The following MSRB3 variants were observed in gnomAD, a reference collection of about 807,000 sequenced individuals.
MSRB3 encodes methionine sulfoxide reductase B3.
A neutral mutation model predicts 21.0 loss-of-function variants in MSRB3; 13 were observed. The observed-to-expected ratio is 0.62, with a 90% confidence interval of 0.40 to 0.98. The LOEUF (loss-of-function observed/expected upper bound fraction) is 0.98, where lower values mean the gene tolerates loss of function less well. MSRB3 is among the 50% of genes least tolerant of loss of function. The pLI is 0.00. For synonymous variants in MSRB3, 87 were observed against 88.6 expected (o/e 0.98, Z 0.10); for missense variants, 199 against 230.3 (o/e 0.86, Z 0.88).
At chr12:65,402,239 C>T (rs985700524) in intron 5 of MSRB3, among the ~76,000 whole-genome samples, 9 of 152,276 alleles carry the variant, frequency 5.9e-5, no homozygotes, top group South Asian at 2.1e-4. Flanking sequence ...CCATCACTTT[C>T]GGGTACACCA....
chr12:65,346,499 G>A (rs926354070), intron 4 of MSRB3, among the ~76,000 whole-genome samples: 8 of 152,112 alleles, frequency 5.3e-5, no homozygotes, highest in African/African-American at 1.7e-4. Context: ...TTTGTCAGAT[G>A]AGTAGATTGC....
In MSRB3 at chr12:65,434,680, A is replaced by G. The variant is rs546597036; in HGVS notation, c.293-19048A>G. 3.3e-5 allele frequency among the ~76,000 whole-genome samples: 5 copies of G among 152,016 alleles called. No individual in the cohort carries two copies. In the East Asian group the frequency reaches 7.7e-4, roughly 24 times the overall value. On this transcript the variant is annotated intron_variant, in intron 5 of 6. Transcript: ENST00000308259. ...GGATGCAACAATGAAGATTTCCTCA[A>G]AATACTCTATTTTCCTTCCATTAAT...
intron 2 of MSRB3, among the ~76,000 whole-genome samples, chr12:65,315,275 A>T (rs749514949): frequency 6.6e-6 from 1 of 152,160 alleles, no homozygotes; most frequent in Non-Finnish European, 1.5e-5. Context: ...GAAAATTTTA[A>T]ATCCTTATTT....
chr12:65,429,778 T>C (rs1201727671), intron 5 of MSRB3, among the ~76,000 whole-genome samples: 1 of 152,166 alleles, frequency 6.6e-6, no homozygotes. Context: ...TCATAATGAA[T>C]TCAGGATGAT....
At chr12:65,449,174 A>G (rs1592647778) in intron 5 of MSRB3, among the ~76,000 whole-genome samples, 2 of 149,534 alleles carry the variant, frequency 1.3e-5, no homozygotes, top group Non-Finnish European at 3.0e-5. Flanking sequence ...GACTACAGGC[A>G]GCCCCCACCA....
Position 65,290,117 on chromosome 12 carries a change from TTATC to T in MSRB3, c.-52+11256_-52+11259del, listed in dbSNP as rs1244126807. 2.1e-5 allele frequency among the ~76,000 whole-genome samples: 3 copies of T among 143,790 alleles called. No individual in the cohort carries two copies. The East Asian group carries it at 6.1e-4, about 29-fold the overall frequency. The allele number at this position is 143,790 out of a possible 152,430, so 94.3% of individuals were successfully genotyped here. A position where few individuals can be genotyped will look rare whatever the true frequency, so the allele number is the denominator to read the frequency against. Reference sequence around the variant, plus strand: ...TTTCTCCTATTACTTTCAAGCTTCATTATCTATATATTTAATAATAATAGTGATG... The same window carrying T: ...TTTCTCCTATTACTTTCAAGCTTCATTATATATTTAATAATAATAGTGATG... On this transcript the variant is annotated intron_variant, in intron 1 of 6. Coordinates refer to ENST00000308259, the MANE Select transcript of MSRB3 (RefSeq NM_001031679.3).
At chr12:65,462,534 C>G (rs1031042143) in intron 6 of MSRB3, among the ~76,000 whole-genome samples, 1 of 152,174 alleles carries the variant, frequency 6.6e-6, no homozygotes, top group Non-Finnish European at 1.5e-5. Flanking sequence ...CAGCATGACA[C>G]TACTTGTTGG....
At chr12:65,307,158 T>TG in intron 1 of MSRB3, 1 of 445,998 alleles carries the variant, frequency 2.2e-6, no homozygotes. Context: ...TCCAAAGGAA[T>TG]GCTCTCTTTT....
intron 5 of MSRB3, among the ~76,000 whole-genome samples, chr12:65,443,719 AGCATGTTAACT>A (rs1882489479): frequency 6.6e-6 from 1 of 152,210 alleles, no homozygotes; most frequent in Admixed American, 6.5e-5. Flanking sequence ...TAAGAAAATT[AGCATGTTAACT>A]GTTTTTCAGT....
chr12:65,420,629 G>C (rs1881242378), intron 5 of MSRB3, among the ~76,000 whole-genome samples: 1 of 151,874 alleles, frequency 6.6e-6, no homozygotes. Flanking sequence ...CCCTCCTCCT[G>C]CCCTGCTCCC....
intron 2 of MSRB3, among the ~76,000 whole-genome samples, chr12:65,319,780 A>G (rs573125482): frequency 7.2e-4 from 109 of 152,326 alleles, no homozygotes; most frequent in African/African-American, 2.6e-3. Flanking sequence ...AAATGAATGA[A>G]GATGTTTGAG....
intron 5 of MSRB3, among the ~76,000 whole-genome samples, chr12:65,403,487 G>A (rs569813631): frequency 1.3e-4 from 20 of 152,264 alleles, no homozygotes; most frequent in African/African-American, 3.4e-4. Context: ...GTTCAACTTC[G>A]GACTGCTGTG....
intron 5 of MSRB3, among the ~76,000 whole-genome samples, chr12:65,427,245 A>C (rs1881645759): frequency 6.6e-6 from 1 of 152,128 alleles, no homozygotes; most frequent in Non-Finnish European, 1.5e-5. Flanking sequence ...TGGGGGATGT[A>C]GCAATTCTAG....
At chr12:65,317,501 A>G (rs1874375882) in intron 2 of MSRB3, among the ~76,000 whole-genome samples, 1 of 152,202 alleles carries the variant, frequency 6.6e-6, no homozygotes. Context: ...GATTTGCCTA[A>G]TCTGATTTGA....
At chr12:65,449,591 C>T (rs74099840) in intron 5 of MSRB3, among the ~76,000 whole-genome samples, 44 of 152,260 alleles carry the variant, frequency 2.9e-4, no homozygotes, top group African/African-American at 9.9e-4. Context: ...ATCACCCAAA[C>T]CCAGTGGGAT....
chr12:65,351,806 T>C (rs1180185010), intron 4 of MSRB3, among the ~76,000 whole-genome samples: 2 of 152,004 alleles, frequency 1.3e-5, no homozygotes, highest in Non-Finnish European at 1.5e-5. Context: ...GGAGCTGAAA[T>C]TGTGGCAATA....
At chr12:65,309,044 A>G (rs1175025429) in intron 2 of MSRB3, 4 of 245,278 alleles carry the variant, frequency 1.6e-5, no homozygotes, top group Non-Finnish European at 3.2e-5. Context: ...TTTTCATTCC[A>G]CATGTGGTCA....
At chr12:65,295,181 G>A (rs1397108686) in intron 1 of MSRB3, among the ~76,000 whole-genome samples, 2 of 152,032 alleles carry the variant, frequency 1.3e-5, no homozygotes, top group African/African-American at 4.8e-5. Context: ...TAGGTTCTAT[G>A]ACCTTGAAAA....
At chr12:65,376,586 A>T (rs1455085748) in intron 5 of MSRB3, among the ~76,000 whole-genome samples, 2 of 152,204 alleles carry the variant, frequency 1.3e-5, no homozygotes, top group Non-Finnish European at 2.9e-5. Flanking sequence ...AGGAACAGAA[A>T]ACCAAACACT....
Sources: gnomAD v4.1 joint callset for allele counts (sites outside exome capture counted in the v4.1 genomes callset) on GRCh38, gnomAD v4.1.1 for gene constraint, MANE v1.5 for transcripts, NCBI Gene and HGNC (gene_info 2026-07-23, HGNC 2026-07-21) for gene names.